RANBP2: variants seen among roughly 807,000 people sequenced by gnomAD.
RANBP2 encodes the protein E3 SUMO-protein ligase RanBP2.
RANBP2 carries 57 observed loss-of-function variants against 303.6 expected under a neutral mutation model. The ratio of observed to expected loss-of-function variants is 0.19; its 90% CI spans 0.15 to 0.23. The LOEUF (loss-of-function observed/expected upper bound fraction) is 0.23. Ranked by LOEUF, RANBP2 falls within the 10% of genes least tolerant of loss-of-function variation. The pLI is 1.00. For synonymous variants in RANBP2, 1,167 were observed against 1,301.5 expected, an observed-to-expected ratio of 0.90 and a Z score of 2.23; for missense variants, 3,138 against 3,780.8, an observed-to-expected ratio of 0.83 and a Z score of 4.46.
chr2:109,313,909 G>C, the RANBP2 span, among the ~76,000 whole-genome samples: 1 of 152,118 alleles, frequency 6.6e-6, no homozygotes, highest in Non-Finnish European at 1.5e-5. Flanking sequence ...TGAAAGGTGT[G>C]TTGGGACCCG....
At chr2:109,300,092 G>A in the RANBP2 span, among the ~76,000 whole-genome samples, 1 of 152,198 alleles carries the variant, frequency 6.6e-6, no homozygotes, top group Non-Finnish European at 1.5e-5. Context: ...GAGCAGCAAG[G>A]ATAAGAGAGG....
At chr2:109,346,194 T>C in the RANBP2 span, among the ~76,000 whole-genome samples, 3 of 152,154 alleles carry the variant, frequency 2.0e-5, no homozygotes, top group African/African-American at 7.2e-5. Flanking sequence ...TTTTTTTTTC[T>C]CTTCGAGTTC....
At chr2:108,849,370 G>A in the RANBP2 span, among the ~76,000 whole-genome samples, 1 of 152,122 alleles carries the variant, frequency 6.6e-6, no homozygotes, top group Admixed American at 6.5e-5. Context: ...GTCCAGCTGA[G>A]CTCATGGTCA....
At chr2:109,533,506 A>C in the RANBP2 span, among the ~76,000 whole-genome samples, 3 of 152,218 alleles carry the variant, frequency 2.0e-5, no homozygotes, top group African/African-American at 7.2e-5. Flanking sequence ...TATTGACAGA[A>C]CCACGGGCCT....
At chr2:109,184,901 C>A in the RANBP2 span, among the ~76,000 whole-genome samples, 2 of 152,196 alleles carry the variant, frequency 1.3e-5, no homozygotes, top group Non-Finnish European at 2.9e-5. Context: ...AAGGCCTCAT[C>A]AAACAACCAA....
chr2:108,906,277 C>T, the RANBP2 span: 124 of 1,606,982 alleles, frequency 7.7e-5, no homozygotes, highest in Non-Finnish European at 1.0e-4. Context: ...GGGGTGGGCA[C>T]CACCTCTCCC....
intron 1 of RANBP2, among the ~76,000 whole-genome samples, chr2:108,720,357 TA>T (rs1311636911): frequency 0.061 from 8,878 of 144,932 alleles, 893 homozygotes; most frequent in African/African-American, 0.21. Flanking sequence ...TGCCTTTGCT[TA>T]AAAAAAAAAA....
chr2:108,737,682 G>A (rs1238275976), intron 6 of RANBP2, among the ~76,000 whole-genome samples: 1 of 150,936 alleles, frequency 6.6e-6, no homozygotes, highest in Non-Finnish European at 1.5e-5. Flanking sequence ...CGGAATAGGT[G>A]GGACTACAGG....
chr2:109,546,299 G>T, the RANBP2 span: 1 of 1,143,898 alleles, frequency 8.7e-7, no homozygotes. Context: ...ACGCTCTCCA[G>T]CTCAGCAACA....
At chr2:109,214,224 G>A in the RANBP2 span, among the ~76,000 whole-genome samples, 3 of 152,166 alleles carry the variant, frequency 2.0e-5, no homozygotes, top group African/African-American at 7.2e-5. Context: ...GTCAGCATGT[G>A]GTTTATGGGT....
At chr2:108,779,666 C>T (rs1286738269) in intron 25 of RANBP2, among the ~76,000 whole-genome samples, 1 of 152,112 alleles carries the variant, frequency 6.6e-6, no homozygotes, top group East Asian at 1.9e-4. Context: ...GTGTTTCTTT[C>T]CTCTAAGATA....
At chr2:109,484,214 T>C in the RANBP2 span, among the ~76,000 whole-genome samples, 46 of 152,108 alleles carry the variant, frequency 3.0e-4, 2 homozygotes, top group East Asian at 8.3e-3. Context: ...TTACAGGCGC[T>C]TGCCACCACG....
At chr2:109,103,999 T>A in the RANBP2 span, among the ~76,000 whole-genome samples, 3 of 152,096 alleles carry the variant, frequency 2.0e-5, no homozygotes, top group African/African-American at 7.2e-5. Context: ...TTTCACCATG[T>A]TAGCCAGGAT....
At chr2:109,334,089 A>T in the RANBP2 span, among the ~76,000 whole-genome samples, 75,217 of 152,062 alleles carry the variant, frequency 0.49, 20,383 homozygotes, top group Non-Finnish European at 0.61. Context: ...CCAGGTTCAG[A>T]GGCTCACGCC....
At position 108,784,618 on chromosome 2, in the gene RANBP2, G is replaced by A. The variant is rs1170778462; in HGVS notation, c.*717G>A. Reference sequence around the variant, plus strand: ...TGTCTCTACTACCTCAGAAACTGCAGCTTGGTTCTGATGATAGAAATTGAA... The same window carrying A: ...TGTCTCTACTACCTCAGAAACTGCAACTTGGTTCTGATGATAGAAATTGAA... On this transcript the variant is annotated 3_prime_UTR_variant, in exon 29 of 29. Transcript: ENST00000283195. 1.3e-5 allele frequency: 2 copies of A among 152,602 alleles called. No homozygotes were observed. The highest frequency in any genetic ancestry group is 2.9e-5 in the Non-Finnish European group (2 of 68,040). The allele number at this position is 152,602 out of a possible 1,614,324, so 9.5% of individuals were successfully genotyped here.
the RANBP2 span, chr2:109,616,330 T>TA: frequency 2.3e-4 from 73 of 313,724 alleles, no homozygotes; most frequent in African/African-American, 1.6e-3. Flanking sequence ...ACTAGAAATG[T>TA]ATCTAAATTG....
chr2:108,876,103 CTT>C, the RANBP2 span: 1 of 1,594,656 alleles, frequency 6.3e-7, no homozygotes, highest in Non-Finnish European at 8.6e-7. Flanking sequence ...ATAAGAAGCT[CTT>C]TGAACTTTTT....
At chr2:109,683,442 C>A in the RANBP2 span, among the ~76,000 whole-genome samples, 121 of 152,232 alleles carry the variant, frequency 7.9e-4, no homozygotes, top group Middle Eastern at 3.4e-3. Context: ...ATCCAGTGAA[C>A]CTTCTGGGGG....
chr2:108,954,549 A>G, the RANBP2 span, among the ~76,000 whole-genome samples: 1 of 152,066 alleles, frequency 6.6e-6, no homozygotes, highest in Non-Finnish European at 1.5e-5. Flanking sequence ...TTTTCATCTT[A>G]GTCAACGCTC....
Sources: allele counts gnomAD v4.1 joint callset (sites outside exome capture counted in the v4.1 genomes callset), GRCh38; gene constraint gnomAD v4.1.1; transcripts MANE v1.5; gene names NCBI Gene and HGNC (gene_info 2026-07-23, HGNC 2026-07-21).